The following NKAIN3 variants were observed in gnomAD, a reference collection of about 807,000 sequenced individuals.
NKAIN3 encodes the protein sodium/potassium-transporting ATPase subunit beta-1-interacting protein 3.
In NKAIN3, 25 loss-of-function variants were observed where a neutral mutation model predicts 30.2. The ratio of observed to expected loss-of-function variants is 0.83; its 90% CI spans 0.60 to 1.16. The LOEUF (loss-of-function observed/expected upper bound fraction) is 1.16. Ranked by LOEUF, NKAIN3 falls within the 50% of genes most tolerant of loss-of-function variation. NKAIN3 has a pLI of 0.00. For missense variants in NKAIN3, 225 were observed against 254.1 expected, an observed-to-expected ratio of 0.89 and a Z score of 0.78; for synonymous variants, 91 against 89.6, an observed-to-expected ratio of 1.02 and a Z score of -0.09.
intron 3 of NKAIN3, among the ~76,000 whole-genome samples, chr8:62,693,992 A>G (rs1814070637): frequency 6.6e-6 from 1 of 152,168 alleles, no homozygotes; most frequent in Admixed American, 6.5e-5. Context: ...ATATTTTTGG[A>G]GGTACAAGTG....
intron 1 of NKAIN3, among the ~76,000 whole-genome samples, chr8:62,364,393 T>A (rs1428945677): frequency 1.1e-4 from 1 of 8,974 alleles, no homozygotes. Context: ...TGAAATCTGA[T>A]CCTAAAGGAT....
intron 1 of NKAIN3, among the ~76,000 whole-genome samples, chr8:62,323,241 C>T (rs1412823941): frequency 2.0e-5 from 3 of 152,186 alleles, no homozygotes; most frequent in Non-Finnish European, 4.4e-5. Context: ...ATGTCTACAA[C>T]AGCTTTGCTC....
downstream of NKAIN3, among the ~76,000 whole-genome samples, chr8:62,989,742 A>G (rs1275586382): frequency 6.6e-6 from 1 of 152,110 alleles, no homozygotes; most frequent in Non-Finnish European, 1.5e-5. Context: ...ATTATTGAAC[A>G]TTTACTCTGT....
intron 3 of NKAIN3, among the ~76,000 whole-genome samples, chr8:62,641,742 A>G (rs1812313747): frequency 1.3e-5 from 2 of 152,196 alleles, no homozygotes; most frequent in African/African-American, 4.8e-5. Flanking sequence ...TATGGAAATC[A>G]CATAATTATT....
At chr8:62,633,436 G>A (rs1038389354) in intron 3 of NKAIN3, among the ~76,000 whole-genome samples, 1 of 152,096 alleles carries the variant, frequency 6.6e-6, no homozygotes, top group African/African-American at 2.4e-5. Context: ...CAAGTCACAT[G>A]TTTCTGCATT....
chr8:62,555,333 A>G (rs1366797584), intron 1 of NKAIN3, among the ~76,000 whole-genome samples: 1 of 152,176 alleles, frequency 6.6e-6, no homozygotes, highest in Non-Finnish European at 1.5e-5. Context: ...ATAAGGTAAT[A>G]TGCTTAAAAA....
chr8:62,573,835 TA>T (rs1484086570), intron 1 of NKAIN3, among the ~76,000 whole-genome samples: 1 of 152,172 alleles, frequency 6.6e-6, no homozygotes, highest in African/African-American at 2.4e-5. Flanking sequence ...CACATCAAGA[TA>T]AATGGGGTAT....
intron 4 of NKAIN3, among the ~76,000 whole-genome samples, chr8:62,799,785 G>A (rs1817994094): frequency 6.6e-6 from 1 of 152,050 alleles, no homozygotes; most frequent in Non-Finnish European, 1.5e-5. Context: ...CAAAACTATG[G>A]AATCAGCCCA....
chr8:62,563,316 C>T (rs1255222810), intron 1 of NKAIN3, among the ~76,000 whole-genome samples: 1 of 152,098 alleles, frequency 6.6e-6, no homozygotes, highest in Non-Finnish European at 1.5e-5. Flanking sequence ...TGAAGTCGCA[C>T]TCTTTGAGAT....
chr8:62,260,653 A>G (rs1232644853), intron 1 of NKAIN3, among the ~76,000 whole-genome samples: 1 of 152,156 alleles, frequency 6.6e-6, no homozygotes, highest in Non-Finnish European at 1.5e-5. Context: ...TGAACGGCCG[A>G]TGCAGGCAGT....
intron 1 of NKAIN3, among the ~76,000 whole-genome samples, chr8:62,262,622 A>T (rs906178077): frequency 3.3e-5 from 5 of 152,132 alleles, no homozygotes; most frequent in Non-Finnish European, 5.9e-5. Flanking sequence ...CCACTGAACC[A>T]TTAGGAGGCT....
At chr8:62,472,353 G>A (rs564773761) in intron 1 of NKAIN3, among the ~76,000 whole-genome samples, 2 of 152,302 alleles carry the variant, frequency 1.3e-5, no homozygotes, top group African/African-American at 4.8e-5. Context: ...TGCAGGGGGA[G>A]TCAGCAAGCC....
At chr8:62,576,502 T>G (rs563607125) in intron 1 of NKAIN3, among the ~76,000 whole-genome samples, 12 of 152,242 alleles carry the variant, frequency 7.9e-5, no homozygotes, top group African/African-American at 2.9e-4. Context: ...TGCTTTCTAT[T>G]TATGCTACAT....
intron 3 of NKAIN3, among the ~76,000 whole-genome samples, chr8:62,733,251 T>G (rs1815538385): frequency 6.6e-6 from 1 of 152,146 alleles, no homozygotes. Flanking sequence ...TTTTGCCTCA[T>G]AAGTTAGGCA....
At chr8:62,738,601 C>CAAAA (rs3032912) in intron 3 of NKAIN3, among the ~76,000 whole-genome samples, 2 of 124,978 alleles carry the variant, frequency 1.6e-5, no homozygotes, top group African/African-American at 3.0e-5. Flanking sequence ...ACTCCATCTC[C>CAAAA]AAAAAAAAAA....
chr8:62,723,431 G>A (rs1237495537), intron 3 of NKAIN3, among the ~76,000 whole-genome samples: 1 of 152,014 alleles, frequency 6.6e-6, no homozygotes, highest in Non-Finnish European at 1.5e-5. Context: ...GAATCACAAA[G>A]GTAGCACAAT....
chr8:62,396,206 C>T (rs1817757621), intron 1 of NKAIN3, among the ~76,000 whole-genome samples: 2 of 152,102 alleles, frequency 1.3e-5, no homozygotes, highest in Admixed American at 1.3e-4. Flanking sequence ...TATTTTTATC[C>T]TCAGAAGACC....
chr8:62,643,305 A>G (rs1812362692), intron 3 of NKAIN3, among the ~76,000 whole-genome samples: 1 of 152,156 alleles, frequency 6.6e-6, no homozygotes, highest in South Asian at 2.1e-4. Flanking sequence ...AACATAACTT[A>G]AAGAGGTGAA....
chr8:62,350,339 A>G (rs976174180), intron 1 of NKAIN3, among the ~76,000 whole-genome samples: 2 of 152,202 alleles, frequency 1.3e-5, no homozygotes, highest in Admixed American at 1.3e-4. Flanking sequence ...CCTTGAAAAC[A>G]TTATACTAAA....
Sources: gnomAD v4.1 joint callset for allele counts (sites outside exome capture counted in the v4.1 genomes callset) on GRCh38, gnomAD v4.1.1 for gene constraint, MANE v1.5 for transcripts, NCBI Gene and HGNC (gene_info 2026-07-23, HGNC 2026-07-21) for gene names.